Variants in CISD3 observed in about 807,000 individuals in gnomAD.
The protein encoded by CISD3 is CDGSH iron-sulfur domain-containing protein 3, mitochondrial.
In CISD3, 11 loss-of-function variants were observed where a neutral mutation model predicts 14.1. That is an observed-to-expected ratio of 0.78 (90% confidence interval 0.49 to 1.29). The LOEUF is 1.29. CISD3 is among the 50% of genes most tolerant of loss of function. The pLI is 0.00. For synonymous variants in CISD3, 53 were observed against 69.2 expected (o/e 0.77, Z 1.16); for missense variants, 156 against 171.6 (o/e 0.91, Z 0.51).
intron 1 of CISD3, 106 bp from the exon 2 acceptor site, chr17:38,730,654 T>G: frequency 2.5e-6 from 3 of 1,178,944 alleles, no homozygotes; most frequent in Non-Finnish European, 3.7e-6. Context: ...CCCTGTCACC[T>G]CCTCCTTCCT....
chr17:38,735,102 A>T lies in CISD3; in HGVS notation c.*1647A>T. 6 of 632,910 alleles carry T rather than the reference A, an allele frequency of 9.5e-6. No individual in the cohort carries two copies. Among genetic ancestry groups the T allele is most frequent in the South Asian group, 5.9e-5 (1 of 16,930 alleles). The allele number at this position is 632,910 out of a possible 1,614,324, so 39.2% of individuals were successfully genotyped here. ...ATATATATATATATTTATTTATAAA[A>T]CCCGCCCCCCACCCCCAAGGTGGGA... On this transcript the variant is annotated 3_prime_UTR_variant, in exon 4 of 4. Coordinates refer to ENST00000613478, the MANE Select transcript of CISD3 (RefSeq NM_001136498.2).
In CISD3 at chr17:38,733,281, C is replaced by T. The variant is rs1376244036; in HGVS notation, c.210C>T (p.Phe70=). The stretch of plus-strand genomic sequence containing the variant: ...TCCTGTCTTTCCCCCACCAGCCCTT[C>T]TGTGACGGCTCCCACTTCTTCCAAC... ...CVCGRSKKQP[F]CDGSHFFQRT... Residue 70 remains phenylalanine, a synonymous_variant, in exon 4 of 4, where the codon TTC becomes TTT. Transcript: ENST00000613478. 4 of 1,551,684 alleles carry T rather than the reference C, an allele frequency of 2.6e-6. No individual in the cohort carries two copies. In the Admixed American group the frequency reaches 5.9e-5, roughly 23 times the overall value.
At position 38,731,371 on chromosome 17, in the gene CISD3, C is replaced by A; in HGVS notation, c.136C>A (p.Pro46Thr). The A allele has an allele frequency of 6.4e-7, 1 of 1,551,642 alleles. No individual in the cohort carries two copies. Among genetic ancestry groups the A allele is most frequent in the Non-Finnish European group, 8.7e-7 (1 of 1,146,974 alleles). The part of the protein sequence containing the change: ...PARSVVALKT[P>T]IKVELVAGKT... ...CAGGTCCGTGGTGGCCCTGAAGACC[C>A]CCATCAAGGTGGAGCTGGTGGCAGG... The change falls in exon 3 of 4, where the codon CCC (proline) becomes ACC (threonine). Residue 46 changes from proline (P) to threonine (T), a missense_variant. Pro to Thr is a conservative substitution (Grantham distance 38). Transcript: ENST00000613478.
In CISD3 at chr17:38,733,302, C is replaced by A. The variant is rs1295801606; in HGVS notation, c.231C>A (p.Phe77Leu). 6.4e-7 allele frequency: 1 copy of A among 1,551,740 alleles called. No individual in the cohort carries two copies. The highest frequency in any genetic ancestry group is 8.7e-7 in the Non-Finnish European group (1 of 1,146,992). The change falls in exon 4 of 4, where the codon TTC (phenylalanine) becomes TTA (leucine). Residue 77 changes from phenylalanine to leucine, a missense_variant. By Grantham distance (22) the Phe-to-Leu change is conservative. Coordinates refer to ENST00000613478, the MANE Select transcript of CISD3 (RefSeq NM_001136498.2). Reference protein sequence around the residue: ...KQPFCDGSHFFQRTGLSPLKF... With the variant: ...KQPFCDGSHFLQRTGLSPLKF... ...CCTTCTGTGACGGCTCCCACTTCTTCCAACGCACTGGCCTATCTCCACTCA... is the reference window on the plus strand; with the variant it reads ...CCTTCTGTGACGGCTCCCACTTCTTACAACGCACTGGCCTATCTCCACTCA...
Position 38,733,292 on chromosome 17 carries a change from CCCA to C in CISD3, c.223_225del (p.His75del). The C allele has an allele frequency of 6.4e-7, 1 of 1,551,710 alleles. No homozygotes were observed. The highest frequency in any genetic ancestry group is 8.7e-7 in the Non-Finnish European group (1 of 1,146,988). On this transcript the variant is annotated inframe_deletion, in exon 4 of 4. Coordinates refer to ENST00000613478, the MANE Select transcript of CISD3 (RefSeq NM_001136498.2). Reference sequence around the variant, plus strand: ...CCCCACCAGCCCTTCTGTGACGGCTCCCACTTCTTCCAACGCACTGGCCTATCT... The same window carrying C: ...CCCCACCAGCCCTTCTGTGACGGCTCCTTCTTCCAACGCACTGGCCTATCT...
In CISD3 at chr17:38,733,373, A is replaced by G. The variant is rs1441808539; in HGVS notation, c.302A>G (p.Lys101Arg). 6.4e-7 allele frequency: 1 copy of G among 1,551,598 alleles called. No individual in the cohort carries two copies. Among genetic ancestry groups the G allele is most frequent in the Non-Finnish European group, 8.7e-7 (1 of 1,146,990 alleles). Residue 101 changes from lysine (K) to arginine (R), a missense_variant, in exon 4 of 4, where the codon AAG (lysine) becomes AGG (arginine). Transcript: ENST00000613478. ...ETRMVALCTCKATQRPPYCDG... is the reference protein window; with the variant it reads ...ETRMVALCTCRATQRPPYCDG... ...CGCATGGTGGCACTCTGTACCTGCA[A>G]GGCCACTCAGAGGCCCCCGTACTGC... is the stretch of plus-strand genomic sequence containing the variant.
At position 38,733,627 on chromosome 17, in the gene CISD3, G is replaced by A. The variant is rs886973314; in HGVS notation, c.*172G>A. 7 of 688,364 alleles carry A rather than the reference G, an allele frequency of 1.0e-5. No homozygotes were observed. The highest frequency in any genetic ancestry group is 3.5e-5 in the Admixed American group (1 of 28,794). The allele number at this position is 688,364 out of a possible 1,614,324, so 42.6% of individuals were successfully genotyped here. On this transcript the variant is annotated 3_prime_UTR_variant, in exon 4 of 4. Coordinates refer to ENST00000613478, the MANE Select transcript of CISD3 (RefSeq NM_001136498.2). ...TAAAAGTCTCCAGTCTGGGGCAGGC[G>A]GGAGTGGGCCCTGGTTCAATGTTTG... is the stretch of plus-strand genomic sequence containing the variant.
chr17:38,731,059 A>T (rs1469890159), intron 2 of CISD3: 9 of 636,576 alleles, frequency 1.4e-5, no homozygotes, highest in South Asian at 4.0e-5. Context: ...CTTCCCTAGC[A>T]CGCAGGTGGG....
chr17:38,735,338 C>T lies in CISD3; in HGVS notation c.*1883C>T. The T allele has an allele frequency of 6.4e-7, 1 of 1,553,546 alleles. No individual in the cohort carries two copies. Among genetic ancestry groups the T allele is most frequent in the Non-Finnish European group, 8.7e-7 (1 of 1,145,548 alleles). On this transcript the variant is annotated 3_prime_UTR_variant, in exon 4 of 4. Transcript: ENST00000613478. Reference sequence around the variant, plus strand: ...CCCGTTGGCAGCTGTGGTGGCCCCACTGGCTGTCGAAGGGGGAGTGGGGGA... The same window carrying T: ...CCCGTTGGCAGCTGTGGTGGCCCCATTGGCTGTCGAAGGGGGAGTGGGGGA...
chr17:38,734,960 AAATG>A lies in CISD3; in HGVS notation c.*1508_*1511del, dbSNP rs1185411479. On this transcript the variant is annotated 3_prime_UTR_variant, in exon 4 of 4. Coordinates refer to ENST00000613478, the MANE Select transcript of CISD3 (RefSeq NM_001136498.2). Reference sequence around the variant, plus strand: ...AATTACACAAGACCCCCCCCAAAAAAAATGAACACCATTTTCCACACATACACAC... The same window carrying A: ...AATTACACAAGACCCCCCCCAAAAAAAACACCATTTTCCACACATACACAC... 3.4e-6 allele frequency: 1 copy of A among 295,882 alleles called. No homozygotes were observed. The highest frequency in any genetic ancestry group is 2.2e-5 in the African/African-American group (1 of 46,220). The allele number at this position is 295,882 out of a possible 1,614,324, so 18.3% of individuals were successfully genotyped here.
Position 38,735,153 on chromosome 17 carries a change from G to T in CISD3, c.*1698G>T. 8.1e-7 allele frequency: 1 copy of T among 1,237,648 alleles called. No homozygotes were observed. The highest frequency in any genetic ancestry group is 1.0e-6 in the Non-Finnish European group (1 of 957,824). The allele number at this position is 1,237,648 out of a possible 1,614,324, so 76.7% of individuals were successfully genotyped here. On this transcript the variant is annotated 3_prime_UTR_variant, in exon 4 of 4. Coordinates refer to ENST00000613478, the MANE Select transcript of CISD3 (RefSeq NM_001136498.2). ...AGAGCTGGGGAAAGTAGAAGAGGTG[G>T]AAAAAAGGGCCCAGAAAAAGTGGAA... is the stretch of plus-strand genomic sequence containing the variant.
intron 3 of CISD3, among the ~76,000 whole-genome samples, chr17:38,732,702 T>A (rs1008556724): frequency 1.3e-5 from 2 of 152,084 alleles, no homozygotes; most frequent in African/African-American, 4.8e-5. Context: ...TGGGCCTGTT[T>A]CCATTACCCA....
Position 38,735,267 on chromosome 17 carries a change from G to A in CISD3, c.*1812G>A, listed in dbSNP as rs1906600599. 25 of 1,466,794 alleles carry A rather than the reference G, an allele frequency of 1.7e-5. No homozygotes were observed. The Middle Eastern group carries it at 5.4e-4, about 32-fold the overall frequency. The allele number at this position is 1,466,794 out of a possible 1,614,324, so 90.9% of individuals were successfully genotyped here. ...GGAGCGCCGTTGACAGTCATCTTGC[G>A]CCCCCTGCTGGTGGAGGATGGTGTC... On this transcript the variant is annotated 3_prime_UTR_variant, in exon 4 of 4. Coordinates refer to ENST00000613478, the MANE Select transcript of CISD3 (RefSeq NM_001136498.2).
In CISD3 at chr17:38,735,040, AG is replaced by A. The variant is rs1472439274; in HGVS notation, c.*1586del. On this transcript the variant is annotated 3_prime_UTR_variant, in exon 4 of 4. Coordinates refer to ENST00000613478, the MANE Select transcript of CISD3 (RefSeq NM_001136498.2). ...ATTTAAATTAATCTGGTTGGTCCAT[AG>A]AAAATAAGTATGTATATTTGGTTTT... 2.4e-6 allele frequency: 1 copy of A among 415,718 alleles called. No individual in the cohort carries two copies. The highest frequency in any genetic ancestry group is 4.3e-6 in the Non-Finnish European group (1 of 235,068). 25.8% of individuals were successfully genotyped at this position (415,718 alleles called of 1,614,324 possible). A position where few individuals can be genotyped will look rare whatever the true frequency, so the allele number is the denominator to read the frequency against.
rs1359550553 is a variant in CISD3, at chr17:38,730,370, G to T, written c.12G>T (p.Ala4=). MRG[A]GAILRPAARG... ...CGCGGGAGGCGACCATGCGCGGCGC[G>T]GGGGCGATCCTGCGGCCGGCGGCGC... The change falls in exon 1 of 4, where the codon GCG becomes GCT. Residue 4 remains alanine, a synonymous_variant. Transcript: ENST00000613478. The T allele has an allele frequency of 8.4e-6, 10 of 1,184,672 alleles. No individual in the cohort carries two copies. In the African/African-American group the frequency reaches 1.3e-4, roughly 15 times the overall value. The allele number at this position is 1,184,672 out of a possible 1,614,324, so 73.4% of individuals were successfully genotyped here. A position where few individuals can be genotyped will look rare whatever the true frequency, so the allele number is the denominator to read the frequency against.
At chr17:38,730,636 C>T (rs1479412722) in intron 1 of CISD3, 124 bp from the exon 2 acceptor site, 1 of 989,470 alleles carries the variant, frequency 1.0e-6, no homozygotes, top group Non-Finnish European at 1.6e-6. Flanking sequence ...CCTCCCTCGC[C>T]CCTTCAGCCC....
intron 3 of CISD3, 146 bp downstream of exon 3, chr17:38,731,585 C>T (rs1181182481): frequency 9.6e-7 from 1 of 1,046,416 alleles, no homozygotes; most frequent in African/African-American, 1.6e-5. Context: ...GCCAGTGCCA[C>T]CAGCAACCTT....
In CISD3 at chr17:38,732,936, G is replaced by GAC. The variant is rs1416731966; in HGVS notation, c.205-339_205-338insCA. On this transcript the variant is annotated intron_variant, in intron 3 of 3. Coordinates refer to ENST00000613478, the MANE Select transcript of CISD3 (RefSeq NM_001136498.2). ...AATTTCATGATCCAGTGGAGACTCAGAGACACACACACACACACACACACA... is the reference window on the plus strand; with the variant it reads ...AATTTCATGATCCAGTGGAGACTCAGACAGACACACACACACACACACACACA... Among the ~76,000 whole-genome samples the GAC allele has an allele frequency of 7.8e-5, 7 of 89,736 alleles. No homozygotes were observed. The South Asian group carries it at 1.0e-3, about 13-fold the overall frequency. The allele number at this position is 89,736 out of a possible 152,430, so 58.9% of individuals were successfully genotyped here. A position where few individuals can be genotyped will look rare whatever the true frequency, so the allele number is the denominator to read the frequency against.
At chr17:38,730,896 T>G in intron 2 of CISD3, 101 bp downstream of exon 2, 22 of 1,216,458 alleles carry the variant, frequency 1.8e-5, no homozygotes, top group Non-Finnish European at 2.5e-5. Context: ...TACAGGCCTA[T>G]TCCCTGGAGT....
Sources: gnomAD v4.1 joint callset for allele counts (sites outside exome capture counted in the v4.1 genomes callset) on GRCh38, gnomAD v4.1.1 for gene constraint, MANE v1.5 for transcripts, NCBI Gene and HGNC (gene_info 2026-07-23, HGNC 2026-07-21) for gene names.